AMBRA1: variants seen among roughly 807,000 people sequenced by gnomAD.
AMBRA1 encodes activating molecule in BECN1-regulated autophagy protein 1.
AMBRA1 carries 47 observed loss-of-function variants against 125.4 expected under a neutral mutation model. The observed-to-expected ratio is 0.37, with a 90% CI of 0.30 to 0.48. AMBRA1 has a LOEUF of 0.48. Among genes scored for constraint, AMBRA1 ranks in the 20% least tolerant of loss-of-function variants. AMBRA1 has a pLI of 0.99. For synonymous variants in AMBRA1, 626 were observed against 655.5 expected, an observed-to-expected ratio of 0.95 and a Z score of 0.69; for missense variants, 1,331 against 1,693.4, an observed-to-expected ratio of 0.79 and a Z score of 3.76.
intron 7 of AMBRA1, among the ~76,000 whole-genome samples, chr11:46,528,453 G>A (rs766932712): frequency 1.2e-4 from 18 of 152,244 alleles, no homozygotes; most frequent in Non-Finnish European, 2.4e-4. Context: ...TTACAGGCGT[G>A]AGCCACCGCG....
rs1230190440 is a variant in AMBRA1 at position 46,435,024 on chromosome 11, C to T, written c.2646G>A (p.Val882=). 6.2e-7 allele frequency: 1 copy of T among 1,608,036 alleles called. No homozygotes were observed. The highest frequency in any genetic ancestry group is 8.5e-7 in the Non-Finnish European group (1 of 1,177,014). ...LPEISNASVN[V]LVQNCKIYND... ...TGTAGATCTTGCAGTTCTGCACCAG[C>T]ACATTCACGGAAGCTGCATCAGACA... The change falls in exon 13 of 18, where the codon GTG becomes GTA. Residue 882 remains valine, a synonymous_variant. Transcript: ENST00000683756.
intron 9 of AMBRA1, chr11:46,495,026 CTAGT>C (rs1950583980): frequency 1.3e-5 from 2 of 152,196 alleles, no homozygotes; most frequent in Non-Finnish European, 2.9e-5. Flanking sequence ...GGTCACATAA[CTAGT>C]AAGTGGTTAA....
chr11:46,507,831 T>C (rs998909745), intron 9 of AMBRA1, among the ~76,000 whole-genome samples: 1 of 152,076 alleles, frequency 6.6e-6, no homozygotes, highest in African/African-American at 2.4e-5. Context: ...ACACCAACCC[T>C]CCAGCCTCCC....
At position 46,523,989 on chromosome 11, in the gene AMBRA1, G is replaced by A. The variant is rs577008489; in HGVS notation, c.2073-11176C>T. ...GTTCAAGCAATTCTCCTGCCTCAGC[G>A]TCCCACGTAGCTGGGATTACAGGGA... On this transcript the variant is annotated intron_variant, in intron 7 of 17. Transcript: ENST00000683756. 5.3e-5 allele frequency among the ~76,000 whole-genome samples: 8 copies of A among 152,150 alleles called. No individual in the cohort carries two copies. The East Asian group carries it at 1.2e-3, about 22-fold the overall frequency.
At chr11:46,477,713 C>T (rs1050421460) in intron 11 of AMBRA1, among the ~76,000 whole-genome samples, 2 of 151,944 alleles carry the variant, frequency 1.3e-5, no homozygotes, top group Admixed American at 1.3e-4. Context: ...CAGGGTTTAT[C>T]AACAGCAGAG....
At chr11:46,442,224 C>A (rs1170299350) in intron 12 of AMBRA1, among the ~76,000 whole-genome samples, 4 of 151,542 alleles carry the variant, frequency 2.6e-5, no homozygotes, top group African/African-American at 7.3e-5. Context: ...CTCACTGCAA[C>A]CTCTGCCACA....
At chr11:46,512,429 C>A (rs1254816991) in intron 8 of AMBRA1, among the ~76,000 whole-genome samples, 3 of 152,110 alleles carry the variant, frequency 2.0e-5, no homozygotes, top group African/African-American at 7.2e-5. Flanking sequence ...GCCTCTCTGG[C>A]CAACAGAAAA....
At chr11:46,422,534 AC>A (rs1198188134) in intron 14 of AMBRA1, among the ~76,000 whole-genome samples, 1 of 152,126 alleles carries the variant, frequency 6.6e-6, no homozygotes. Context: ...TCAGATCAAA[AC>A]TAAAAGTGTC....
At chr11:46,581,220 C>A (rs1254841012) in intron 1 of AMBRA1, among the ~76,000 whole-genome samples, 1 of 152,052 alleles carries the variant, frequency 6.6e-6, no homozygotes, top group Non-Finnish European at 1.5e-5. Context: ...CACCTGTAAT[C>A]CCGGGACTTT....
intron 1 of AMBRA1, among the ~76,000 whole-genome samples, chr11:46,564,488 TTC>T: frequency 6.6e-6 from 1 of 152,050 alleles, no homozygotes; most frequent in South Asian, 2.1e-4. Context: ...GAAGGAGAGA[TTC>T]AAAATCAAAT....
intron 9 of AMBRA1, among the ~76,000 whole-genome samples, chr11:46,507,357 T>TA (rs1256860132): frequency 2.0e-5 from 3 of 150,522 alleles, no homozygotes; most frequent in Non-Finnish European, 4.4e-5. Context: ...CGGGCGCCTG[T>TA]AGTCCCAGCT....
At position 46,492,208 on chromosome 11, in the gene AMBRA1, C is replaced by A. The variant is rs547761040; in HGVS notation, c.2521+1400G>T. Among the ~76,000 whole-genome samples the A allele has an allele frequency of 7.9e-5, 12 of 152,304 alleles. No homozygotes were observed. In the South Asian group the frequency reaches 2.1e-3, roughly 26 times the overall value. ...GATTGTGGTATAGTCTGCTCTCCTG[C>A]CAGGCCAGAGCCTATGAAGTCCTGG... On this transcript the variant is annotated intron_variant, in intron 11 of 17. Transcript: ENST00000683756.
intron 7 of AMBRA1, among the ~76,000 whole-genome samples, chr11:46,522,924 G>A (rs1419235490): frequency 6.6e-6 from 1 of 152,208 alleles, no homozygotes; most frequent in Middle Eastern, 3.2e-3. Context: ...ATAATAGGAA[G>A]TAAAATCTTA....
chr11:46,489,386 C>T (rs1458415383), intron 11 of AMBRA1, among the ~76,000 whole-genome samples: 1 of 152,112 alleles, frequency 6.6e-6, no homozygotes, highest in Non-Finnish European at 1.5e-5. Context: ...CCTCATGATC[C>T]ACCTGCCTCG....
At chr11:46,451,741 T>A (rs1948605717) in intron 11 of AMBRA1, 1 of 153,008 alleles carries the variant, frequency 6.5e-6, no homozygotes, top group African/African-American at 2.4e-5. Flanking sequence ...AAGAATGGGG[T>A]TGGGGATGTA....
chr11:46,562,299 G>C (rs1565299765), intron 1 of AMBRA1, among the ~76,000 whole-genome samples: 1 of 152,212 alleles, frequency 6.6e-6, no homozygotes, highest in African/African-American at 2.4e-5. Context: ...GTGAAGGCCG[G>C]AAATAAGGCC....
chr11:46,586,161 C>A (rs1030571554), intron 1 of AMBRA1, among the ~76,000 whole-genome samples: 2 of 152,184 alleles, frequency 1.3e-5, no homozygotes, highest in Non-Finnish European at 2.9e-5. Context: ...AATTCCAGCA[C>A]TTAGGGAGAT....
chr11:46,481,904 G>A (rs1950087057), intron 11 of AMBRA1, among the ~76,000 whole-genome samples: 1 of 152,226 alleles, frequency 6.6e-6, no homozygotes. Flanking sequence ...TGATTAATAT[G>A]TGAGAAGTGC....
At chr11:46,494,256 CCA>C in intron 9 of AMBRA1, 52 bp from the exon 10 acceptor site, 1 of 1,459,048 alleles carries the variant, frequency 6.9e-7, no homozygotes, top group East Asian at 2.4e-5. Context: ...GAAGAATCAT[CCA>C]CCAGCCCAAA....
Sources: gnomAD v4.1 joint callset for allele counts (sites outside exome capture counted in the v4.1 genomes callset) on GRCh38, gnomAD v4.1.1 for gene constraint, MANE v1.5 for transcripts, NCBI Gene and HGNC (gene_info 2026-07-23, HGNC 2026-07-21) for gene names.